The following EPHA8 variants were observed in gnomAD, a reference collection of about 807,000 sequenced individuals.
The protein encoded by EPHA8 is ephrin type-A receptor 8.
Under a neutral mutation model 103.6 loss-of-function variants are expected in EPHA8, and 58 were observed. That is an observed-to-expected ratio of 0.56 (90% confidence interval 0.45 to 0.70). The LOEUF (loss-of-function observed/expected upper bound fraction) is 0.70, where lower values mean the gene tolerates loss of function less well. EPHA8 is among the 30% of genes least tolerant of loss of function. The probability of loss-of-function intolerance (pLI) is 0.00; values close to 1 mark genes in which losing one functional copy is unlikely to be tolerated. For synonymous variants in EPHA8, 559 were observed against 572.5 expected, an observed-to-expected ratio of 0.98 and a Z score of 0.34; for missense variants, 1,304 against 1,395.2, an observed-to-expected ratio of 0.93 and a Z score of 1.04.
intron 3 of EPHA8, among the ~76,000 whole-genome samples, chr1:22,578,450 G>T (rs1640854530): frequency 6.8e-6 from 1 of 147,644 alleles, no homozygotes; most frequent in Non-Finnish European, 1.5e-5. Context: ...GTGCATGTGT[G>T]CGAGTGTATG....
Position 22,601,010 on chromosome 1 carries a change from G to A in EPHA8, c.2651G>A (p.Arg884His), listed in dbSNP as rs62618734. ...CACAAGGACCGGGCGCAGCGGCCTC[G>A]CTTCTCCCAGATTGTCAGTGTCCTC... Reference protein sequence around the residue: ...CWHKDRAQRPRFSQIVSVLDA... With the variant: ...CWHKDRAQRPHFSQIVSVLDA... The change falls in exon 15 of 17, where the codon CGC becomes CAC. Residue 884 changes from arginine (R) to histidine (H), a missense_variant. Physicochemically the swap from Arg to His is conservative, Grantham distance 29. Transcript: ENST00000166244. 6.8e-3 allele frequency: 10,917 copies of A among 1,612,856 alleles called. 58 individuals are homozygous for A. Among genetic ancestry groups the A allele is most frequent in the Non-Finnish European group, 7.8e-3 (9,151 of 1,179,884 alleles).
intron 3 of EPHA8, among the ~76,000 whole-genome samples, chr1:22,577,299 G>C (rs7550674): frequency 6.6e-6 from 1 of 152,164 alleles, no homozygotes; most frequent in South Asian, 2.1e-4. Context: ...TATGACGTAG[G>C]AACTACTGTT....
At chr1:22,579,768 G>C (rs1031593078) in intron 3 of EPHA8, among the ~76,000 whole-genome samples, 10 of 152,170 alleles carry the variant, frequency 6.6e-5, no homozygotes, top group African/African-American at 2.4e-4. Flanking sequence ...GCAGGGATCA[G>C]AGAGACAAGA....
At position 22,601,964 on chromosome 1, in the gene EPHA8, G is replaced by C; in HGVS notation, c.*223G>C. 1 of 585,018 alleles carries C rather than the reference G, an allele frequency of 1.7e-6. No homozygotes were observed. Among genetic ancestry groups the C allele is most frequent in the Non-Finnish European group, 3.0e-6 (1 of 336,106 alleles). 36.2% of individuals were successfully genotyped at this position (585,018 alleles called of 1,614,324 possible). ...CCCTGGTGAGGACACCTGTCCCCCA[G>C]GGCAGGCACCTTCTCTTTTCCAGAG... On this transcript the variant is annotated 3_prime_UTR_variant, in exon 17 of 17. Coordinates refer to ENST00000166244, the MANE Select transcript of EPHA8 (RefSeq NM_020526.5).
rs1449452054 is a variant in EPHA8, at chr1:22,589,133, C to T, written c.1242C>T (p.Ala414=). Residue 414 remains alanine (A), a synonymous_variant, in exon 5 of 17, where the codon GCC becomes GCT. Coordinates refer to ENST00000166244, the MANE Select transcript of EPHA8 (RefSeq NM_020526.5). The surrounding 1 kb of genome is among the most constrained non-coding windows in gnomAD (Gnocchi z 4.3). ...TGAACTACTCCTTCTGGATCGAGGC[C>T]GTCAATGGCGTGTCCGACCTGAGCC... ...AHMNYSFWIE[A]VNGVSDLSPE... is the part of the protein sequence containing the mutation. 9 of 1,613,732 alleles carry T rather than the reference C, an allele frequency of 5.6e-6. No homozygotes were observed. Among genetic ancestry groups the T allele is most frequent in the African/African-American group, 5.3e-5 (4 of 74,940 alleles).
Position 22,600,747 on chromosome 1 carries a change from C to T in EPHA8, c.2475C>T (p.Gly825=), listed in dbSNP as rs111394307. 5.0e-5 allele frequency: 80 copies of T among 1,613,092 alleles called. No individual in the cohort carries two copies. Among genetic ancestry groups the T allele is most frequent in the Non-Finnish European group, 4.6e-5 (54 of 1,179,546 alleles). The change falls in exon 14 of 17, where the codon GGC becomes GGT. Residue 825 remains glycine, a synonymous_variant. Coordinates refer to ENST00000166244, the MANE Select transcript of EPHA8 (RefSeq NM_020526.5). Reference sequence around the variant, plus strand: ...CGGCCAGCGACGTGTGGAGCTTCGGCGTGGTCATGTGGGAGGTGCTGGCCT... The same window carrying T: ...CGGCCAGCGACGTGTGGAGCTTCGGTGTGGTCATGTGGGAGGTGCTGGCCT... The part of the protein sequence containing the change: ...FSSASDVWSF[G]VVMWEVLAYG...
intron 13 of EPHA8, 106 bp from the exon 14 acceptor site, chr1:22,600,555 C>T: frequency 6.8e-7 from 1 of 1,466,826 alleles, no homozygotes; most frequent in Non-Finnish European, 9.3e-7. Flanking sequence ...TGTTGTCCCT[C>T]TGGACTGGAA....
chr1:22,570,261 CGCAT>C (rs1383664703), intron 2 of EPHA8, among the ~76,000 whole-genome samples: 2 of 151,986 alleles, frequency 1.3e-5, no homozygotes, highest in Non-Finnish European at 2.9e-5. Flanking sequence ...CACACACGCA[CGCAT>C]GTACACACAC....
intron 3 of EPHA8, among the ~76,000 whole-genome samples, chr1:22,577,691 G>T (rs1039609434): frequency 5.3e-5 from 8 of 152,222 alleles, no homozygotes; most frequent in African/African-American, 1.9e-4. Flanking sequence ...TGTACCCATA[G>T]GTGTGCTGCT....
intron 3 of EPHA8, among the ~76,000 whole-genome samples, chr1:22,580,135 T>C (rs1240890682): frequency 7.9e-5 from 4 of 50,392 alleles, no homozygotes; most frequent in East Asian, 3.2e-3. Flanking sequence ...CTCTTTTTTT[T>C]TTTTTTTTTT....
At chr1:22,565,496 G>A (rs1249216283) in intron 1 of EPHA8, among the ~76,000 whole-genome samples, 3 of 152,178 alleles carry the variant, frequency 2.0e-5, no homozygotes, top group African/African-American at 7.2e-5. Context: ...TCTGAGGGTG[G>A]GTGGAGGGAA....
chr1:22,565,838 C>G (rs1364985105), intron 1 of EPHA8, among the ~76,000 whole-genome samples: 1 of 152,170 alleles, frequency 6.6e-6, no homozygotes, highest in Non-Finnish European at 1.5e-5. Context: ...AGTCCACGCC[C>G]TCTCCGATCA....
intron 7 of EPHA8, among the ~76,000 whole-genome samples, chr1:22,594,668 G>A (rs1439360206): frequency 6.6e-6 from 1 of 152,206 alleles, no homozygotes; most frequent in Non-Finnish European, 1.5e-5. Context: ...CCCACCTGGC[G>A]CTCCCTGGGC....
rs1337118217 is a variant in EPHA8 at position 22,576,747 on chromosome 1, G to A, written c.690G>A (p.Arg230=). ...GADSSSLVEV[R]GQCVRHSEER... ...ACTCGTCCTCACTGGTGGAGGTGAG[G>A]GGCCAGTGCGTGCGGCACTCAGAGG... The change falls in exon 3 of 17, where the codon AGG becomes AGA. Residue 230 remains arginine, a synonymous_variant. Transcript: ENST00000166244. This position sits in a 1 kb window ranked among gnomAD's most constrained non-coding sequence, Gnocchi z 4.8. 3.1e-6 allele frequency: 5 copies of A among 1,613,674 alleles called. No homozygotes were observed. The African/African-American group carries it at 6.7e-5, about 22-fold the overall frequency.
At position 22,598,334 on chromosome 1, in the gene EPHA8, A is replaced by G; in HGVS notation, c.2178+122A>G. On this transcript the variant is annotated intron_variant, in intron 12 of 16. Transcript: ENST00000166244. This position sits in a 1 kb window ranked among gnomAD's most constrained non-coding sequence, Gnocchi z 5.1. ...GCTTGGACACCACAGGCCGGGGGACAGGAGGCAGGTATAGGGAGGAGGTCT... is the reference window on the plus strand; with the variant it reads ...GCTTGGACACCACAGGCCGGGGGACGGGAGGCAGGTATAGGGAGGAGGTCT... 3.1e-6 allele frequency: 3 copies of G among 953,630 alleles called. No homozygotes were observed. The highest frequency in any genetic ancestry group is 4.7e-6 in the Non-Finnish European group (3 of 633,638). 59.1% of individuals were successfully genotyped at this position (953,630 alleles called of 1,614,324 possible).
chr1:22,599,751 G>A (rs1181941861), intron 13 of EPHA8, among the ~76,000 whole-genome samples: 4 of 71,818 alleles, frequency 5.6e-5, no homozygotes, highest in Non-Finnish European at 2.7e-5. Flanking sequence ...AGGGAGGAAG[G>A]AGGGAAAGAA....
chr1:22,573,465 A>G (rs1640599405), intron 2 of EPHA8, among the ~76,000 whole-genome samples: 1 of 152,152 alleles, frequency 6.6e-6, no homozygotes, highest in African/African-American at 2.4e-5. Context: ...GCAGAAAAAG[A>G]CTTGAGATGC....
chr1:22,579,879 C>T (rs1215073302), intron 3 of EPHA8, among the ~76,000 whole-genome samples: 4 of 152,168 alleles, frequency 2.6e-5, no homozygotes, highest in African/African-American at 9.7e-5. Context: ...GGCCCTGGGG[C>T]CACAGTGAGA....
chr1:22,601,655 A>G lies in EPHA8; in HGVS notation c.2932A>G (p.Met978Val), dbSNP rs536376846. The stretch of plus-strand genomic sequence containing the variant: ...CGTGCGCGCCCTGGGCATCACCCTC[A>G]TGGGCCACCAGAAGAAGATCCTGGG... ...QDVRALGITL[M>V]GHQKKILGSI... Residue 978 changes from methionine (M) to valine (V), a missense_variant, in exon 17 of 17, where the codon ATG (methionine) becomes GTG (valine). Transcript: ENST00000166244. The G allele has an allele frequency of 2.5e-4, 404 of 1,595,326 alleles. 6 individuals carry two copies. The South Asian group carries it at 3.4e-3, about 13-fold the overall frequency.
Sources: gnomAD v4.1 joint callset for allele counts (sites outside exome capture counted in the v4.1 genomes callset) on GRCh38, gnomAD v4.1.1 for gene constraint, Gnocchi (gnomAD v3.1) non-coding constraint, MANE v1.5 for transcripts, NCBI Gene and HGNC (gene_info 2026-07-23, HGNC 2026-07-21) for gene names.